Variants in CABP1 observed in about 807,000 individuals in gnomAD.
CABP1 encodes calcium-binding protein 1.
A neutral mutation model predicts 34.3 loss-of-function variants in CABP1; 17 were observed. The observed-to-expected ratio is 0.50, with a 90% confidence interval of 0.34 to 0.74. The LOEUF is 0.74. Among genes scored for constraint, CABP1 ranks in the 30% least tolerant of loss-of-function variants. The pLI is 0.01. For synonymous variants in CABP1, 198 were observed against 229.2 expected, an observed-to-expected ratio of 0.86 and a Z score of 1.23; for missense variants, 373 against 511.1, an observed-to-expected ratio of 0.73 and a Z score of 2.61.
the CABP1 span, among the ~76,000 whole-genome samples, chr12:120,674,227 G>T: frequency 6.6e-6 from 1 of 152,206 alleles, no homozygotes; most frequent in African/African-American, 2.4e-5. Context: ...ATTCTTGTCG[G>T]TTGTTATTCT....
At chr12:120,678,018 C>T in the CABP1 span, among the ~76,000 whole-genome samples, 3 of 152,290 alleles carry the variant, frequency 2.0e-5, no homozygotes, top group South Asian at 2.1e-4. Flanking sequence ...CCAGCAGACA[C>T]GGTGGGCTGG....
rs1224402368 is a variant in CABP1, at chr12:120,666,974, G to A, written c.*74G>A. 2.6e-6 allele frequency: 4 copies of A among 1,527,846 alleles called. No homozygotes were observed. Among genetic ancestry groups the A allele is most frequent in the East Asian group, 2.4e-5 (1 of 42,040 alleles). The allele number at this position is 1,527,846 out of a possible 1,614,324, so 94.6% of individuals were successfully genotyped here. On this transcript the variant is annotated 3_prime_UTR_variant, in exon 6 of 6. Coordinates refer to ENST00000316803, the MANE Select transcript of CABP1 (RefSeq NM_001033677.2). ...AGAGGAGCTAGAGCTTGCCTCACCC[G>A]CTGTAGCCGCCGAGAGCCCAGGATG...
At chr12:120,653,339 C>T (rs900693070) in intron 1 of CABP1, among the ~76,000 whole-genome samples, 46 of 152,168 alleles carry the variant, frequency 3.0e-4, no homozygotes, top group African/African-American at 9.9e-4. Context: ...CATTACTTGT[C>T]GCAGGAATCC....
intron 5 of CABP1, among the ~76,000 whole-genome samples, chr12:120,666,203 T>TAAAA (rs78315987): frequency 5.6e-5 from 6 of 107,048 alleles, no homozygotes; most frequent in African/African-American, 1.5e-4. Flanking sequence ...GTCTCTACAT[T>TAAAA]AAAAAAAAAA....
Position 120,640,839 on chromosome 12 carries a change from A to T in CABP1, c.154A>T (p.Ser52Cys). ...RTAPPPPGHA[S>C]AGPAAMSSHI... Reference sequence around the variant, plus strand: ...CGCGCCGCCCCCGCCGGGCCATGCGAGCGCGGGCCCCGCCGCGATGAGCTC... The same window carrying T: ...CGCGCCGCCCCCGCCGGGCCATGCGTGCGCGGGCCCCGCCGCGATGAGCTC... Residue 52 changes from serine to cysteine, a missense_variant, in exon 1 of 6, where the codon AGC (serine) becomes TGC (cysteine). Ser to Cys is a moderately radical substitution (Grantham distance 112). Transcript: ENST00000316803. The surrounding 1 kb of genome is among the most constrained non-coding windows in gnomAD (Gnocchi z 6.2). 1 of 1,072,600 alleles carries T rather than the reference A, an allele frequency of 9.3e-7. No individual in the cohort carries two copies. The highest frequency in any genetic ancestry group is 1.1e-6 in the Non-Finnish European group (1 of 888,248). 66.4% of individuals were successfully genotyped at this position (1,072,600 alleles called of 1,614,324 possible). A position where few individuals can be genotyped will look rare whatever the true frequency, so the allele number is the denominator to read the frequency against.
intron 1 of CABP1, chr12:120,656,048 G>A (rs754635466): frequency 3.1e-6 from 5 of 1,612,890 alleles, no homozygotes; most frequent in Admixed American, 3.3e-5. Flanking sequence ...GGGCAGGGAG[G>A]TGACACCCTG....
intron 5 of CABP1, among the ~76,000 whole-genome samples, chr12:120,664,438 C>T (rs1409441857): frequency 6.6e-6 from 1 of 152,198 alleles, no homozygotes; most frequent in East Asian, 1.9e-4. Context: ...AACCTATGTC[C>T]ACACAAATCT....
In CABP1 at chr12:120,640,812, A is replaced by T. The variant is rs1015482733; in HGVS notation, c.127A>T (p.Thr43Ser). ...LPAGGPAPRRTAPPPPGHASA... is the reference protein window; with the variant it reads ...LPAGGPAPRRSAPPPPGHASA... ...CGCCGGGGGCCCCGCGCCGCGCCGC[A>T]CCGCGCCGCCCCCGCCGGGCCATGC... is the stretch of plus-strand genomic sequence containing the variant. The change falls in exon 1 of 6, where the codon ACC becomes TCC. Residue 43 changes from threonine to serine, a missense_variant. Thr to Ser is a moderately conservative substitution (Grantham distance 58). Coordinates refer to ENST00000316803, the MANE Select transcript of CABP1 (RefSeq NM_001033677.2). The surrounding 1 kb of genome is among the most constrained non-coding windows in gnomAD (Gnocchi z 6.2). The T allele has an allele frequency of 9.2e-4, 1,007 of 1,088,682 alleles. 12 individuals carry two copies. The African/African-American group carries it at 0.016, about 17-fold the overall frequency. The allele number at this position is 1,088,682 out of a possible 1,614,324, so 67.4% of individuals were successfully genotyped here.
chr12:120,646,328 C>T (rs2137329027), intron 1 of CABP1, among the ~76,000 whole-genome samples: 1 of 152,318 alleles, frequency 6.6e-6, no homozygotes, highest in South Asian at 2.1e-4. Flanking sequence ...AGCCTCCCTT[C>T]TAATCAGGAA....
At chr12:120,666,720 C>T (rs1009041367) in intron 5 of CABP1, among the ~76,000 whole-genome samples, 155 bp from the exon 6 acceptor site, 55 of 152,182 alleles carry the variant, frequency 3.6e-4, no homozygotes, top group African/African-American at 1.2e-3. Flanking sequence ...TTAGAACACT[C>T]TCGCTGGCTG....
In CABP1 at chr12:120,641,393, C is replaced by A; in HGVS notation, c.654+54C>A. On this transcript the variant is annotated intron_variant, in intron 1 of 5. Coordinates refer to ENST00000316803, the MANE Select transcript of CABP1 (RefSeq NM_001033677.2). This position sits in a 1 kb window ranked among gnomAD's most constrained non-coding sequence, Gnocchi z 6.7. ...CCGGGAAAGGCGCTCGGGACCCTGC[C>A]GGCCGCGGTTGCGCGTCCACAGCCT... 8.0e-7 allele frequency: 1 copy of A among 1,243,438 alleles called. No homozygotes were observed. The highest frequency in any genetic ancestry group is 3.3e-5 in the South Asian group (1 of 30,038). The allele number at this position is 1,243,438 out of a possible 1,614,324, so 77.0% of individuals were successfully genotyped here.
intron 1 of CABP1, among the ~76,000 whole-genome samples, chr12:120,647,249 A>G (rs1879582216): frequency 6.6e-6 from 1 of 152,166 alleles, no homozygotes; most frequent in Non-Finnish European, 1.5e-5. Context: ...AGCCCTTTGC[A>G]TGTATTATCT....
chr12:120,651,331 G>A (rs1879835240), intron 1 of CABP1, among the ~76,000 whole-genome samples: 1 of 152,164 alleles, frequency 6.6e-6, no homozygotes, highest in Non-Finnish European at 1.5e-5. Flanking sequence ...GTCACTTTCT[G>A]TGGTGGCTTT....
chr12:120,659,698 A>AT, intron 1 of CABP1, 180 bp from the exon 2 acceptor site: 1 of 541,616 alleles, frequency 1.8e-6, no homozygotes, highest in South Asian at 2.7e-5. Flanking sequence ...AGGAGCTTCT[A>AT]TGTCTAAGGG....
In CABP1 at chr12:120,660,311, C is replaced by T. The variant is rs1462627269; in HGVS notation, c.801C>T (p.Ile267=). The change falls in exon 3 of 6, where the codon ATC becomes ATT. Residue 267 remains isoleucine (I), a synonymous_variant. Coordinates refer to ENST00000316803, the MANE Select transcript of CABP1 (RefSeq NM_001033677.2). The surrounding 1 kb of genome is among the most constrained non-coding windows in gnomAD (Gnocchi z 5.0). ...MGYMPTEMEL[I]ELSQQINMNL... ...ACATGCCCACCGAGATGGAGCTCAT[C>T]GAACTGTCCCAGCAGATCAACATGA... 6.2e-6 allele frequency: 10 copies of T among 1,613,796 alleles called. No homozygotes were observed. The highest frequency in any genetic ancestry group is 1.7e-5 in the Admixed American group (1 of 60,024).
Position 120,640,840 on chromosome 12 carries a change from G to A in CABP1, c.155G>A (p.Ser52Asn). The stretch of plus-strand genomic sequence containing the variant: ...GCGCCGCCCCCGCCGGGCCATGCGA[G>A]CGCGGGCCCCGCCGCGATGAGCTCG... Reference protein sequence around the residue: ...RTAPPPPGHASAGPAAMSSHI... With the variant: ...RTAPPPPGHANAGPAAMSSHI... The change falls in exon 1 of 6, where the codon AGC becomes AAC. Residue 52 changes from serine to asparagine, a missense_variant. Coordinates refer to ENST00000316803, the MANE Select transcript of CABP1 (RefSeq NM_001033677.2). This position sits in a 1 kb window ranked among gnomAD's most constrained non-coding sequence, Gnocchi z 6.2. 1 of 1,073,142 alleles carries A rather than the reference G, an allele frequency of 9.3e-7. No homozygotes were observed. The highest frequency in any genetic ancestry group is 1.7e-5 in the African/African-American group (1 of 58,894). 66.5% of individuals were successfully genotyped at this position (1,073,142 alleles called of 1,614,324 possible).
chr12:120,645,510 C>T (rs1009438653), intron 1 of CABP1, among the ~76,000 whole-genome samples: 2 of 152,182 alleles, frequency 1.3e-5, no homozygotes, highest in African/African-American at 4.8e-5. Context: ...CAACTCCCCC[C>T]AACCCCACCA....
chr12:120,680,718 G>A, the CABP1 span, among the ~76,000 whole-genome samples: 1 of 152,082 alleles, frequency 6.6e-6, no homozygotes, highest in Admixed American at 6.6e-5. Flanking sequence ...GGGGTTATCT[G>A]GGGACCCCTC....
rs1360328067 is a variant in CABP1, at chr12:120,640,807, G to A, written c.122G>A (p.Arg41His). The A allele has an allele frequency of 9.2e-7, 1 of 1,088,906 alleles. No individual in the cohort carries two copies. The highest frequency in any genetic ancestry group is 1.7e-5 in the African/African-American group (1 of 59,318). The allele number at this position is 1,088,906 out of a possible 1,614,324, so 67.5% of individuals were successfully genotyped here. Reference sequence around the variant, plus strand: ...CTGCCCGCCGGGGGCCCCGCGCCGCGCCGCACCGCGCCGCCCCCGCCGGGC... The same window carrying A: ...CTGCCCGCCGGGGGCCCCGCGCCGCACCGCACCGCGCCGCCCCCGCCGGGC... ...RSLPAGGPAPRRTAPPPPGHA... is the reference protein window; with the variant it reads ...RSLPAGGPAPHRTAPPPPGHA... Residue 41 changes from arginine (R) to histidine (H), a missense_variant, in exon 1 of 6, where the codon CGC becomes CAC. Physicochemically the swap from Arg to His is conservative, Grantham distance 29 (BLOSUM62 0). Around this residue, in one of 4 missense-constraint regions of CABP1, gnomAD observed 134 missense variants for 145.4 expected, o/e 0.92. Coordinates refer to ENST00000316803, the MANE Select transcript of CABP1 (RefSeq NM_001033677.2). The surrounding 1 kb of genome is among the most constrained non-coding windows in gnomAD (Gnocchi z 6.2).
Sources: gnomAD v4.1 joint callset for allele counts (sites outside exome capture counted in the v4.1 genomes callset) on GRCh38, gnomAD v4.1.1 for gene constraint, gnomAD v4.1.1 regional missense constraint, Gnocchi (gnomAD v3.1) non-coding constraint, MANE v1.5 for transcripts, NCBI Gene and HGNC (gene_info 2026-07-23, HGNC 2026-07-21) for gene names.